Variants in SACS observed in about 807,000 individuals in gnomAD.
SACS encodes the protein sacsin molecular chaperone.
A neutral mutation model predicts 348.0 loss-of-function variants in SACS; 197 were observed. The ratio of observed to expected loss-of-function variants is 0.57; its 90% CI spans 0.50 to 0.64. The LOEUF (loss-of-function observed/expected upper bound fraction) is 0.64. Ranked by LOEUF, SACS falls within the 30% of genes least tolerant of loss-of-function variation. The pLI is 0.00. For synonymous variants in SACS, 1,985 were observed against 1,910.6 expected, an observed-to-expected ratio of 1.04 and a Z score of -1.02; for missense variants, 4,999 against 5,360.8, an observed-to-expected ratio of 0.93 and a Z score of 2.11.
intron 2 of SACS, among the ~76,000 whole-genome samples, chr13:23,395,195 T>G (rs1026137140): frequency 2.0e-5 from 3 of 151,868 alleles, no homozygotes; most frequent in Non-Finnish European, 4.4e-5. Flanking sequence ...ATATAGAGGC[T>G]GGGTCAGAGT....
chr13:23,424,529 A>AC, intron 1 of SACS, among the ~76,000 whole-genome samples: 1 of 150,864 alleles, frequency 6.6e-6, no homozygotes, highest in Non-Finnish European at 1.5e-5. Context: ...CTGTCTCAAA[A>AC]AAAAAAAAAA....
chr13:23,350,835 A>G lies in SACS; in HGVS notation c.2185+2950T>C, dbSNP rs914527517. Among the ~76,000 whole-genome samples the G allele has an allele frequency of 4.6e-5, 7 of 152,190 alleles. No individual in the cohort carries two copies. The East Asian group carries it at 1.3e-3, about 29-fold the overall frequency. The stretch of plus-strand genomic sequence containing the variant: ...AGGCCCCATACCACCAGAAAGCAAG[A>G]TGACTTACATGATTGGTAAGTTGAG... On this transcript the variant is annotated intron_variant, in intron 9 of 9. Transcript: ENST00000382292.
intron 2 of SACS, among the ~76,000 whole-genome samples, chr13:23,401,677 C>T (rs1872983445): frequency 6.6e-6 from 1 of 152,238 alleles, no homozygotes; most frequent in Admixed American, 6.5e-5. Context: ...CTTTCATTAG[C>T]TCTTTAACCG....
intron 9 of SACS, among the ~76,000 whole-genome samples, chr13:23,344,932 G>A (rs1049964764): frequency 6.6e-6 from 1 of 152,124 alleles, no homozygotes; most frequent in Admixed American, 6.5e-5. Flanking sequence ...TATGTTCAGT[G>A]CTAACCTTGA....
In SACS at chr13:23,329,194, T is replaced by C. The variant is rs886050068; in HGVS notation, c.*942A>G. 1.7e-4 allele frequency: 77 copies of C among 443,590 alleles called. 1 individual carries two copies. In the Admixed American group the frequency reaches 2.5e-3, roughly 14 times the overall value. 27.5% of individuals were successfully genotyped at this position (443,590 alleles called of 1,614,324 possible). A position where few individuals can be genotyped will look rare whatever the true frequency, so the allele number is the denominator to read the frequency against. On this transcript the variant is annotated 3_prime_UTR_variant, in exon 10 of 10. Transcript: ENST00000382292. ...CTAGATAACACAATGATTTTAACAATTTTTGATGTTTTTAAAGTTAAAAAA... is the reference window on the plus strand; with the variant it reads ...CTAGATAACACAATGATTTTAACAACTTTTGATGTTTTTAAAGTTAAAAAA...
In SACS at chr13:23,336,301, T is replaced by C; in HGVS notation, c.7575A>G (p.Lys2525=). The C allele has an allele frequency of 6.2e-7, 1 of 1,614,108 alleles. No homozygotes were observed. Residue 2525 remains lysine (K), a synonymous_variant, in exon 10 of 10, where the codon AAA becomes AAG. Coordinates refer to ENST00000382292, the MANE Select transcript of SACS (RefSeq NM_014363.6). ...FTTLGTEFGQ[K]EKLTSRIKSI... is the part of the protein sequence containing the mutation. ...TCTTAATTCTGCTGGTCAATTTTTCTTTCTGCCCAAATTCTGTGCCAAGTG... is the reference window on the plus strand; with the variant it reads ...TCTTAATTCTGCTGGTCAATTTTTCCTTCTGCCCAAATTCTGTGCCAAGTG...
In SACS at chr13:23,353,787, C is replaced by A. The variant is rs764645953; in HGVS notation, c.2183G>T (p.Arg728Leu). The A allele has an allele frequency of 6.4e-7, 1 of 1,562,144 alleles. No homozygotes were observed. Among genetic ancestry groups the A allele is most frequent in the South Asian group, 1.1e-5 (1 of 89,396 alleles). Residue 728 changes from arginine (R) to leucine (L), a missense_variant and splice_region_variant, in exon 9 of 10, where the codon CGA (arginine) becomes CTA (leucine). By Grantham distance (102) the Arg-to-Leu change is moderately radical. Transcript: ENST00000382292. ...AAAAGAATACTAAACTATAATACCT[C>A]GGGTTTGGGCAGCTTCCTTTAAAGC... ...VAALKEAAQT[R>L]GRPCTQLQLL...
rs13378762 is a variant in SACS at position 23,408,212 on chromosome 13, C to T, written c.20+3008G>A. The stretch of plus-strand genomic sequence containing the variant: ...GAGAGGATTCCTAGACATTTCCACT[C>T]GTCTGAATTAAGCCCAAGTATGCCC... On this transcript the variant is annotated intron_variant, in intron 2 of 9. Coordinates refer to ENST00000382292, the MANE Select transcript of SACS (RefSeq NM_014363.6). 3.9e-5 allele frequency among the ~76,000 whole-genome samples: 6 copies of T among 152,170 alleles called. No homozygotes were observed. The South Asian group carries it at 1.2e-3, about 32-fold the overall frequency.
intron 1 of SACS, chr13:23,426,825 G>A (rs1396203991): frequency 1.3e-5 from 2 of 152,206 alleles, no homozygotes; most frequent in African/African-American, 4.8e-5. Flanking sequence ...GAGCAGAGGA[G>A]TGACTTTGAA....
At position 23,335,468 on chromosome 13, in the gene SACS, G is replaced by T; in HGVS notation, c.8408C>A (p.Thr2803Asn). 1 of 1,613,628 alleles carries T rather than the reference G, an allele frequency of 6.2e-7. No individual in the cohort carries two copies. ...AGAGTCCTCAGTATCCATAGTATAGGTTATTTGTTGAACTGGTATGTCTTT... is the reference window on the plus strand; with the variant it reads ...AGAGTCCTCAGTATCCATAGTATAGTTTATTTGTTGAACTGGTATGTCTTT... Reference protein sequence around the residue: ...QLKDIPVQQITYTMDTEDSEG... With the variant: ...QLKDIPVQQINYTMDTEDSEG... The change falls in exon 10 of 10, where the codon ACC becomes AAC. Residue 2803 changes from threonine to asparagine, a missense_variant. Physicochemically the swap from Thr to Asn is moderately conservative, Grantham distance 65. Around this residue, in one of 6 missense-constraint regions of SACS, gnomAD observed 3,156 missense variants for 3,380.1 expected, o/e 0.93. Transcript: ENST00000382292. The surrounding 1 kb of genome is among the most constrained non-coding windows in gnomAD (Gnocchi z 4.7).
chr13:23,362,581 CTTTTTTTTTTT>C (rs34351648), intron 6 of SACS, among the ~76,000 whole-genome samples: 1 of 111,854 alleles, frequency 8.9e-6, no homozygotes, highest in Non-Finnish European at 1.9e-5. Flanking sequence ...TAATACATTC[CTTTTTTTTTTT>C]TTTTTTTTTT....
In SACS at chr13:23,341,480, T is replaced by C; in HGVS notation, c.2396A>G (p.Glu799Gly). ...HFSEDLTLFDEMPLIPRTILE... is the reference protein window; with the variant it reads ...HFSEDLTLFDGMPLIPRTILE... ...TATAGTTCTGGGGATAAGTGGCATC[T>C]CATCAAATAAAGTCAAATCCTCTGA... The change falls in exon 10 of 10, where the codon GAG becomes GGG. Residue 799 changes from glutamate to glycine, a missense_variant. By Grantham distance (98) the Glu-to-Gly change is moderately conservative. Transcript: ENST00000382292. 1 of 1,614,010 alleles carries C rather than the reference T, an allele frequency of 6.2e-7. No individual in the cohort carries two copies. Among genetic ancestry groups the C allele is most frequent in the Non-Finnish European group, 8.5e-7 (1 of 1,179,968 alleles).
chr13:23,351,137 G>A (rs545652488), intron 9 of SACS, among the ~76,000 whole-genome samples: 3 of 152,320 alleles, frequency 2.0e-5, no homozygotes, highest in South Asian at 4.1e-4. Context: ...CTCAGGAAAG[G>A]AAAGCAAGGT....
rs371908778 is a variant in SACS, at chr13:23,333,801, T to C, written c.10075A>G (p.Thr3359Ala). The C allele has an allele frequency of 1.9e-6, 3 of 1,613,724 alleles. No homozygotes were observed. Among genetic ancestry groups the C allele is most frequent in the Non-Finnish European group, 2.5e-6 (3 of 1,179,834 alleles). Reference protein sequence around the residue: ...SCHTANIESPTSILKALHYMV... With the variant: ...SCHTANIESPASILKALHYMV... ...TAATGTAGAGCCTTCAAGATGCTTG[T>C]GGGGCTCTCTATATTTGCTGTGTGA... Residue 3359 changes from threonine to alanine, a missense_variant, in exon 10 of 10, where the codon ACA becomes GCA. Thr to Ala is a moderately conservative substitution (Grantham distance 58, BLOSUM62 0). Coordinates refer to ENST00000382292, the MANE Select transcript of SACS (RefSeq NM_014363.6).
chr13:23,340,766 A>G lies in SACS; in HGVS notation c.3110T>C (p.Leu1037Ser), dbSNP rs767944677. The change falls in exon 10 of 10, where the codon TTA (leucine) becomes TCA (serine). Residue 1037 changes from leucine (L) to serine (S), a missense_variant. This residue lies in a region of SACS where 3,156 missense variants were observed against 3,380.1 expected (regional missense o/e 0.93). Coordinates refer to ENST00000382292, the MANE Select transcript of SACS (RefSeq NM_014363.6). ...NPNVLEWLTP[L>S]KFIQISQEQM... ...TTCCTGTGATATCTGGATGAATTTT[A>G]ATGGTGTTAACCACTCAAGCACATT... The G allele has an allele frequency of 1.2e-6, 2 of 1,606,218 alleles. No homozygotes were observed. Among genetic ancestry groups the G allele is most frequent in the Non-Finnish European group, 8.5e-7 (1 of 1,176,922 alleles).
chr13:23,340,801 A>T lies in SACS; in HGVS notation c.3075T>A (p.Asn1025Lys). The T allele has an allele frequency of 6.2e-7, 1 of 1,602,192 alleles. No homozygotes were observed. Among genetic ancestry groups the T allele is most frequent in the East Asian group, 2.2e-5 (1 of 44,758 alleles). Reference sequence around the variant, plus strand: ...ACCACTCAAGCACATTTGGATTCTCATTTTTAAGAGAAGATAGATTCTCAA... The same window carrying T: ...ACCACTCAAGCACATTTGGATTCTCTTTTTTAAGAGAAGATAGATTCTCAA... ...WVLENLSSLK[N>K]ENPNVLEWLT... Residue 1025 changes from asparagine (N) to lysine (K), a missense_variant, in exon 10 of 10, where the codon AAT (asparagine) becomes AAA (lysine). This residue lies in a region of SACS where 3,156 missense variants were observed against 3,380.1 expected (regional missense o/e 0.93). Coordinates refer to ENST00000382292, the MANE Select transcript of SACS (RefSeq NM_014363.6).
At chr13:23,428,138 A>G (rs1452942147) in intron 1 of SACS, 5 of 152,204 alleles carry the variant, frequency 3.3e-5, no homozygotes, top group Admixed American at 3.3e-4. Flanking sequence ...AATGGGGTCC[A>G]TGTTCATCTG....
chr13:23,339,884 T>G lies in SACS; in HGVS notation c.3992A>C (p.His1331Pro). Residue 1331 changes from histidine (H) to proline (P), a missense_variant, in exon 10 of 10, where the codon CAT becomes CCT. Transcript: ENST00000382292. Reference sequence around the variant, plus strand: ...TATCTTCTGAATAACCATGGAAATATGATCTGATGTCAACTCCTCTATTGA... The same window carrying G: ...TATCTTCTGAATAACCATGGAAATAGGATCTGATGTCAACTCCTCTATTGA... ...CGSIEELTSD[H>P]ISMVIQKIYL... is the part of the protein sequence containing the mutation. The G allele has an allele frequency of 1.2e-6, 2 of 1,614,024 alleles. No individual in the cohort carries two copies. The highest frequency in any genetic ancestry group is 1.7e-6 in the Non-Finnish European group (2 of 1,179,974).
At chr13:23,404,132 T>C (rs568753230) in intron 2 of SACS, among the ~76,000 whole-genome samples, 1 of 152,350 alleles carries the variant, frequency 6.6e-6, no homozygotes, top group South Asian at 2.1e-4. Context: ...ATTTGCGTTC[T>C]TTTGCATTTG....
Sources: gnomAD v4.1 joint callset for allele counts (sites outside exome capture counted in the v4.1 genomes callset) on GRCh38, gnomAD v4.1.1 for gene constraint, gnomAD v4.1.1 regional missense constraint, Gnocchi (gnomAD v3.1) non-coding constraint, MANE v1.5 for transcripts, NCBI Gene and HGNC (gene_info 2026-07-23, HGNC 2026-07-21) for gene names.